KRT16: variants seen among roughly 807,000 people sequenced by gnomAD.
KRT16 encodes keratin 16, also known as keratin, type I cytoskeletal 16.
A neutral mutation model predicts 44.8 loss-of-function variants in KRT16; 42 were observed. The observed-to-expected ratio is 0.94, with a 90% CI of 0.73 to 1.21. The LOEUF (loss-of-function observed/expected upper bound fraction) is 1.21. Among genes scored for constraint, KRT16 ranks in the 50% most tolerant of loss-of-function variants. KRT16 has a pLI of 0.00. For synonymous variants in KRT16, 226 were observed against 260.4 expected, an observed-to-expected ratio of 0.87 and a Z score of 1.27; for missense variants, 561 against 626.9, an observed-to-expected ratio of 0.89 and a Z score of 1.12.
rs1187195409 is a variant in KRT16 at position 41,612,345 on chromosome 17, C to T, written c.344G>A (p.Gly115Asp). 1.2e-6 allele frequency: 2 copies of T among 1,614,006 alleles called. No homozygotes were observed. Among genetic ancestry groups the T allele is most frequent in the Non-Finnish European group, 1.7e-6 (2 of 1,180,030 alleles). Residue 115 changes from glycine (G) to aspartate (D), a missense_variant, in exon 1 of 8, where the codon GGC becomes GAC. Coordinates refer to ENST00000301653, the MANE Select transcript of KRT16 (RefSeq NM_005557.4). ...GTTCTGCATGGTCACCTTCTCACTG[C>T]CCACCAGAAGCCCATCACCACCAGC... ...GFAGGDGLLV[G>D]SEKVTMQNLN...
In KRT16 at chr17:41,610,411, G is replaced by T. The variant is rs889918210; in HGVS notation, c.1200C>A (p.Tyr400Ter). 2.5e-6 allele frequency: 4 copies of T among 1,612,156 alleles called. No individual in the cohort carries two copies. The East Asian group carries it at 8.9e-5, about 36-fold the overall frequency. ...RCEMEQQSQE[Y>*]QILLDVKTRL... Reference sequence around the variant, plus strand: ...GCGTCTTCACATCCAGCAAGATCTGGTACTCCTGGCTCTGCTGCTCCATCT... The same window carrying T: ...GCGTCTTCACATCCAGCAAGATCTGTTACTCCTGGCTCTGCTGCTCCATCT... Residue 400 changes from tyrosine to a stop codon, truncating the protein, a stop_gained, in exon 6 of 8, where the codon TAC becomes TAA. Transcript: ENST00000301653. LOFTEE classifies it high-confidence loss of function.
intron 5 of KRT16, 133 bp downstream of exon 5, chr17:41,610,721 T>C: frequency 6.7e-7 from 1 of 1,503,034 alleles, no homozygotes; most frequent in South Asian, 1.1e-5. Context: ...AGTTTCTCTA[T>C]CTATATAACG....
In KRT16 at chr17:41,610,423, C is replaced by A. The variant is rs1488187885; in HGVS notation, c.1188G>T (p.Gln396His). ...LAQLRCEMEQ[Q>H]SQEYQILLDV... ...CCAGCAAGATCTGGTACTCCTGGCT[C>A]TGCTGCTCCATCTCACAGCGTAGCT... is the stretch of plus-strand genomic sequence containing the variant. Residue 396 changes from glutamine (Q) to histidine (H), a missense_variant, in exon 6 of 8, where the codon CAG becomes CAT. By Grantham distance (24) the Gln-to-His change is conservative (BLOSUM62 0). Transcript: ENST00000301653. 3 of 1,612,286 alleles carry A rather than the reference C, an allele frequency of 1.9e-6. No homozygotes were observed. Among genetic ancestry groups the A allele is most frequent in the Non-Finnish European group, 2.5e-6 (3 of 1,179,872 alleles).
At position 41,612,348 on chromosome 17, in the gene KRT16, A is replaced by C. The variant is rs766244909; in HGVS notation, c.341T>G (p.Val114Gly). 5 of 1,614,104 alleles carry C rather than the reference A, an allele frequency of 3.1e-6. No individual in the cohort carries two copies. In the South Asian group the frequency reaches 5.5e-5, roughly 18 times the overall value. ...GGFAGGDGLL[V>G]GSEKVTMQNL... ...CTGCATGGTCACCTTCTCACTGCCC[A>C]CCAGAAGCCCATCACCACCAGCAAA... Residue 114 changes from valine to glycine, a missense_variant, in exon 1 of 8, where the codon GTG becomes GGG. Physicochemically the swap from Val to Gly is moderately radical, Grantham distance 109. Transcript: ENST00000301653.
chr17:41,611,532 G>GC (rs35882482), intron 2 of KRT16, 31 bp from the exon 3 acceptor site: 33,656 of 1,612,622 alleles, frequency 0.021, 662 homozygotes, highest in Admixed American at 0.074. Flanking sequence ...TCCTCAGGCT[G>GC]CAGCCCTGAG....
chr17:41,611,118 T>C lies in KRT16; in HGVS notation c.884A>G (p.Gln295Arg). 6.2e-7 allele frequency: 1 copy of C among 1,614,044 alleles called. No homozygotes were observed. Among genetic ancestry groups the C allele is most frequent in the Non-Finnish European group, 8.5e-7 (1 of 1,179,882 alleles). The change falls in exon 4 of 8, where the codon CAG (glutamine) becomes CGG (arginine). Residue 295 changes from glutamine to arginine, a missense_variant. Physicochemically the swap from Gln to Arg is conservative, Grantham distance 43 (BLOSUM62 1). Transcript: ENST00000301653. ...GTCTCTGCGGTTTTTCTCTGCCATCTGCTCGTACTGGTCACGCATCTCATT... is the reference window on the plus strand; with the variant it reads ...GTCTCTGCGGTTTTTCTCTGCCATCCGCTCGTACTGGTCACGCATCTCATT... ...ILNEMRDQYE[Q>R]MAEKNRRDAE...
chr17:41,610,732 G>C, intron 5 of KRT16, 122 bp downstream of exon 5: 1 of 1,518,852 alleles, frequency 6.6e-7, no homozygotes, highest in Non-Finnish European at 9.1e-7. Flanking sequence ...CTATATAACG[G>C]TCCCATGAGT....
chr17:41,612,651 G>A lies in KRT16; in HGVS notation c.38C>T (p.Ser13Phe). The A allele has an allele frequency of 6.2e-7, 1 of 1,602,220 alleles. No individual in the cohort carries two copies. Among genetic ancestry groups the A allele is most frequent in the Non-Finnish European group, 8.5e-7 (1 of 1,175,394 alleles). ...TCSRQFTSSS[S>F]MKGSCGIGGG... ...TCCGATGCCGCAGGAGCCCTTCATG[G>A]AGCTGGAGGAGGTGAACTGGCGGCT... The change falls in exon 1 of 8, where the codon TCC (serine) becomes TTC (phenylalanine). Residue 13 changes from serine to phenylalanine, a missense_variant. Physicochemically the swap from Ser to Phe is radical, Grantham distance 155. Coordinates refer to ENST00000301653, the MANE Select transcript of KRT16 (RefSeq NM_005557.4).
rs201864040 is a variant in KRT16, at chr17:41,610,802, G to T, written c.1059+52C>A. 8.1e-6 allele frequency: 13 copies of T among 1,611,866 alleles called. No individual in the cohort carries two copies. The Admixed American group carries it at 1.2e-4, about 14-fold the overall frequency. On this transcript the variant is annotated intron_variant, in intron 5 of 7. Coordinates refer to ENST00000301653, the MANE Select transcript of KRT16 (RefSeq NM_005557.4). Reference sequence around the variant, plus strand: ...CTAGACTGTGGCTTTTTGAGGGGGTGGTGGCCATTACTGGTGACTTGGGGG... The same window carrying T: ...CTAGACTGTGGCTTTTTGAGGGGGTTGTGGCCATTACTGGTGACTTGGGGG...
intron 1 of KRT16, 110 bp downstream of exon 1, chr17:41,612,048 C>G: frequency 7.3e-7 from 1 of 1,369,580 alleles, no homozygotes; most frequent in Non-Finnish European, 1.0e-6. Context: ...GGCCACTCCC[C>G]AAAGGTGCCC....
At position 41,610,283 on chromosome 17, in the gene KRT16, G is replaced by T. The variant is rs748198038; in HGVS notation, c.1281-47C>A. The T allele has an allele frequency of 8.1e-6, 13 of 1,613,434 alleles. No homozygotes were observed. The Admixed American group carries it at 1.5e-4, about 19-fold the overall frequency. Reference sequence around the variant, plus strand: ...GCAGTCAGTTGTGCTGAGAGCAGCAGGGGGGCTAAAGGGTCTGGGAGGCAG... The same window carrying T: ...GCAGTCAGTTGTGCTGAGAGCAGCATGGGGGCTAAAGGGTCTGGGAGGCAG... On this transcript the variant is annotated intron_variant, in intron 6 of 7. Transcript: ENST00000301653.
rs148936519 is a variant in KRT16, at chr17:41,610,014, G to T, written c.1343C>A (p.Ser448Ter). 2 of 1,611,126 alleles carry T rather than the reference G, an allele frequency of 1.2e-6. No homozygotes were observed. Among genetic ancestry groups the T allele is most frequent in the Admixed American group, 3.3e-5 (2 of 59,988 alleles). Residue 448 changes from serine to a stop codon, truncating the protein, a stop_gained, in exon 8 of 8, where the codon TCG (serine) becomes TAG (stop). Coordinates refer to ENST00000301653, the MANE Select transcript of KRT16 (RefSeq NM_005557.4). LOFTEE classifies it high-confidence loss of function. ...CCGGGTCTGACGGCTCGAAGAGGACGAGGAGGAGGTGAAGACTGTGGGAGA... is the reference window on the plus strand; with the variant it reads ...CCGGGTCTGACGGCTCGAAGAGGACTAGGAGGAGGTGAAGACTGTGGGAGA... ...YSSREVFTSSSSSSSRQTRPI... is the reference protein window; with the variant it reads ...YSSREVFTSS
Position 41,611,058 on chromosome 17 carries a change from C to A in KRT16, c.933+11G>T. ...GAAGTGCTGCAGGCTCACTGCGGGC[C>A]CGAGCCCCACCTTGCTCAGGAACCA... On this transcript the variant is annotated intron_variant, in intron 4 of 7. Coordinates refer to ENST00000301653, the MANE Select transcript of KRT16 (RefSeq NM_005557.4). 6.2e-7 allele frequency: 1 copy of A among 1,614,032 alleles called. No individual in the cohort carries two copies.
In KRT16 at chr17:41,612,580, C is replaced by A; in HGVS notation, c.109G>T (p.Gly37Ter). The A allele has an allele frequency of 6.3e-7, 1 of 1,594,282 alleles. No homozygotes were observed. Reference protein sequence around the residue: ...GSSRISSVLAGGSCRAPSTYG... With the variant: ...GSSRISSVLA ...GTGCTGGGGGCACGGCAGGACCCTCCGGCCAGGACGGAGGAGATGCGGCTG... is the reference window on the plus strand; with the variant it reads ...GTGCTGGGGGCACGGCAGGACCCTCAGGCCAGGACGGAGGAGATGCGGCTG... Residue 37 changes from glycine (G) to a stop codon, truncating the protein, a stop_gained, in exon 1 of 8, where the codon GGA becomes TGA. Coordinates refer to ENST00000301653, the MANE Select transcript of KRT16 (RefSeq NM_005557.4). LOFTEE classifies it high-confidence loss of function.
intron 2 of KRT16, 40 bp from the exon 3 acceptor site, chr17:41,611,541 A>G (rs1280909828): frequency 6.2e-7 from 1 of 1,611,574 alleles, no homozygotes; most frequent in South Asian, 1.1e-5. Flanking sequence ...TGCAGCCCTG[A>G]GGATTCTGAG....
chr17:41,611,138 C>G lies in KRT16; in HGVS notation c.864G>C (p.Glu288Asp). Reference protein sequence around the residue: ...PGVDLSRILNEMRDQYEQMAE... With the variant: ...PGVDLSRILNDMRDQYEQMAE... ...CCATCTGCTCGTACTGGTCACGCAT[C>G]TCATTCAGGATGCGGCTCAGGTCCA... is the stretch of plus-strand genomic sequence containing the variant. Residue 288 changes from glutamate to aspartate, a missense_variant, in exon 4 of 8, where the codon GAG (glutamate) becomes GAC (aspartate). Transcript: ENST00000301653. The G allele has an allele frequency of 6.2e-7, 1 of 1,614,036 alleles. No homozygotes were observed. The highest frequency in any genetic ancestry group is 2.2e-5 in the East Asian group (1 of 44,880).
rs771720445 is a variant in KRT16 at position 41,611,678 on chromosome 17, A to G, written c.575T>C (p.Ile192Thr). ...ATCGGCTGCCAGCCTGGCATTGTCA[A>G]TCTGCAAAATGGGCTGCGCATTCTC... ...TIENAQPILQ[I>T]DNARLAADDF... is the part of the protein sequence containing the mutation. Residue 192 changes from isoleucine (I) to threonine (T), a missense_variant, in exon 2 of 8, where the codon ATT (isoleucine) becomes ACT (threonine). By Grantham distance (89) the Ile-to-Thr change is moderately conservative. Transcript: ENST00000301653. The G allele has an allele frequency of 6.2e-6, 10 of 1,611,442 alleles. No homozygotes were observed. In the South Asian group the frequency reaches 9.9e-5, roughly 16 times the overall value.
Position 41,611,131 on chromosome 17 carries a change from C to G in KRT16, c.871G>C (p.Asp291His), listed in dbSNP as rs765868564. 1.6e-5 allele frequency: 26 copies of G among 1,613,886 alleles called. 1 individual carries two copies. The South Asian group carries it at 2.6e-4, about 16-fold the overall frequency. The change falls in exon 4 of 8, where the codon GAC (aspartate) becomes CAC (histidine). Residue 291 changes from aspartate (D) to histidine (H), a missense_variant. Asp to His is a moderately conservative substitution (Grantham distance 81). Transcript: ENST00000301653. ...DLSRILNEMR[D>H]QYEQMAEKNR... ...TTCTCTGCCATCTGCTCGTACTGGT[C>G]ACGCATCTCATTCAGGATGCGGCTC...
chr17:41,610,568 G>C lies in KRT16; in HGVS notation c.1060-17C>G, dbSNP rs200457676. On this transcript the variant is annotated splice_polypyrimidine_tract_variant and intron_variant, in intron 5 of 7. Coordinates refer to ENST00000301653, the MANE Select transcript of KRT16 (RefSeq NM_005557.4). ...GGATGCTTTCTGCAAGTGAGAGAGA[G>C]AAAAAGAGTCCATGGAGGTGGTCAC... The C allele has an allele frequency of 6.2e-7, 1 of 1,611,610 alleles. No individual in the cohort carries two copies.
Sources: gnomAD v4.1 joint callset for allele counts on GRCh38, gnomAD v4.1.1 for gene constraint, MANE v1.5 for transcripts, NCBI Gene and HGNC (gene_info 2026-07-23, HGNC 2026-07-21) for gene names.